The following PLAAT3 variants were observed in gnomAD, a reference collection of about 807,000 sequenced individuals.
PLAAT3 encodes phospholipase A and acyltransferase 3.
A neutral mutation model predicts 16.7 loss-of-function variants in PLAAT3; 21 were observed. That is an observed-to-expected ratio of 1.26 (90% CI 0.89 to 1.81). The LOEUF (loss-of-function observed/expected upper bound fraction) is 1.81, where lower values mean the gene tolerates loss of function less well. Ranked by LOEUF, PLAAT3 falls within the 40% of genes most tolerant of loss-of-function variation. PLAAT3 has a pLI of 0.00. For synonymous variants in PLAAT3, 76 were observed against 81.7 expected, an observed-to-expected ratio of 0.93 and a Z score of 0.38; for missense variants, 219 against 213.7, an observed-to-expected ratio of 1.02 and a Z score of -0.16.
At position 63,598,079 on chromosome 11, in the gene PLAAT3, C is replaced by T. The variant is rs1214376009; in HGVS notation, c.100G>A (p.Val34Ile). 1 of 1,612,184 alleles carries T rather than the reference C, an allele frequency of 6.2e-7. No homozygotes were observed. The highest frequency in any genetic ancestry group is 2.2e-5 in the East Asian group (1 of 44,870). ...TTCTTACTTGGAGGGGCCAGATGAA[C>T]CACATATCCATCGCCAACATAGATG... ...WAIYVGDGYVVHLAPPSEVAG... is the reference protein window; with the variant it reads ...WAIYVGDGYVIHLAPPSEVAG... The change falls in exon 3 of 5, where the codon GTT becomes ATT. Residue 34 changes from valine to isoleucine, a missense_variant. By Grantham distance (29) the Val-to-Ile change is conservative. Coordinates refer to ENST00000415826, the MANE Select transcript of PLAAT3 (RefSeq NM_001128203.2).
chr11:63,603,735 C>T (rs1387966770), intron 2 of PLAAT3, among the ~76,000 whole-genome samples: 1 of 142,540 alleles, frequency 7.0e-6, no homozygotes, highest in Admixed American at 7.4e-5. Flanking sequence ...CACACACACA[C>T]ACACACACAC....
chr11:63,586,941 A>G (rs1937994679), intron 4 of PLAAT3, among the ~76,000 whole-genome samples: 1 of 152,148 alleles, frequency 6.6e-6, no homozygotes, highest in African/African-American at 2.4e-5. Context: ...AAAATTACCC[A>G]GGTGTGGTGG....
intron 4 of PLAAT3, among the ~76,000 whole-genome samples, chr11:63,578,731 T>G (rs1043328712): frequency 8.6e-5 from 13 of 151,640 alleles, no homozygotes; most frequent in Non-Finnish European, 1.8e-4. Flanking sequence ...TCAAGATGGA[T>G]TAAAGACTTA....
At chr11:63,598,328 T>G (rs993675510) in intron 2 of PLAAT3, among the ~76,000 whole-genome samples, 165 bp from the exon 3 acceptor site, 1 of 152,338 alleles carries the variant, frequency 6.6e-6, no homozygotes, top group South Asian at 2.1e-4. Context: ...CTTCACAAGC[T>G]TGTGACCCAG....
chr11:63,576,657 C>A (rs1355472186), intron 4 of PLAAT3, among the ~76,000 whole-genome samples: 1 of 152,076 alleles, frequency 6.6e-6, no homozygotes, highest in Non-Finnish European at 1.5e-5. Flanking sequence ...TAAGTGATCT[C>A]AACAATACAA....
At chr11:63,596,751 C>T (rs916752800) in intron 3 of PLAAT3, among the ~76,000 whole-genome samples, 3 of 152,014 alleles carry the variant, frequency 2.0e-5, no homozygotes, top group African/African-American at 7.2e-5. Flanking sequence ...CGAGATTTCC[C>T]TCATGCTGTT....
At chr11:63,599,562 T>A (rs1938372213) in intron 2 of PLAAT3, among the ~76,000 whole-genome samples, 1 of 152,186 alleles carries the variant, frequency 6.6e-6, no homozygotes, top group African/African-American at 2.4e-5. Flanking sequence ...ACAGGTAGCA[T>A]GTGTGGCAGG....
intron 3 of PLAAT3, among the ~76,000 whole-genome samples, chr11:63,593,381 A>G (rs1176066492): frequency 1.3e-5 from 2 of 152,226 alleles, no homozygotes; most frequent in Admixed American, 6.5e-5. Flanking sequence ...CAGAAGGAAC[A>G]GCAGGAATGA....
chr11:63,598,237 T>C (rs1938343581), intron 2 of PLAAT3, 74 bp from the exon 3 acceptor site: 1 of 977,872 alleles, frequency 1.0e-6, no homozygotes, highest in Admixed American at 1.8e-5. Flanking sequence ...GTGAGGAAGG[T>C]GCAGCTGAGT....
intron 1 of PLAAT3, 27 bp from the exon 2 acceptor site, chr11:63,614,095 T>A: frequency 6.2e-7 from 1 of 1,608,436 alleles, no homozygotes; most frequent in Non-Finnish European, 8.5e-7. Flanking sequence ...AGGGATTTAT[T>A]GTCATTAACA....
intron 4 of PLAAT3, among the ~76,000 whole-genome samples, chr11:63,578,153 C>T (rs1379612812): frequency 6.6e-6 from 1 of 151,718 alleles, no homozygotes; most frequent in Non-Finnish European, 1.5e-5. Context: ...CATGGTGGTG[C>T]GCGCCTGTAA....
chr11:63,592,884 A>C (rs138741624), intron 3 of PLAAT3, among the ~76,000 whole-genome samples: 1 of 152,314 alleles, frequency 6.6e-6, no homozygotes, highest in East Asian at 1.9e-4. Flanking sequence ...TCAGCAGCAG[A>C]AGGTCAGTCC....
At chr11:63,578,943 G>A (rs1343229301) in intron 4 of PLAAT3, among the ~76,000 whole-genome samples, 1 of 152,054 alleles carries the variant, frequency 6.6e-6, no homozygotes, top group African/African-American at 2.4e-5. Context: ...GCAACCTACA[G>A]AATGGGAGAA....
At chr11:63,602,830 T>G (rs551378641) in intron 2 of PLAAT3, among the ~76,000 whole-genome samples, 1 of 152,290 alleles carries the variant, frequency 6.6e-6, no homozygotes, top group African/African-American at 2.4e-5. Context: ...CAGCGGCTCA[T>G]GCCTGTAATC....
At chr11:63,602,830 T>C (rs551378641) in intron 2 of PLAAT3, among the ~76,000 whole-genome samples, 1 of 152,170 alleles carries the variant, frequency 6.6e-6, no homozygotes, top group Non-Finnish European at 1.5e-5. Flanking sequence ...CAGCGGCTCA[T>C]GCCTGTAATC....
At chr11:63,611,188 G>A (rs112143885) in intron 2 of PLAAT3, among the ~76,000 whole-genome samples, 5,285 of 152,144 alleles carry the variant, frequency 0.035, 130 homozygotes, top group Non-Finnish European at 0.052. Context: ...GCTCACTGCA[G>A]CCTCGACCTC....
upstream of PLAAT3, among the ~76,000 whole-genome samples, chr11:63,615,120 G>GTGTATATA (rs1938814157): frequency 3.2e-5 from 1 of 31,020 alleles, no homozygotes; most frequent in Non-Finnish European, 9.1e-5. Flanking sequence ...GTGTATATAT[G>GTGTATATA]TGTGTATATA....
intron 2 of PLAAT3, among the ~76,000 whole-genome samples, chr11:63,607,688 G>A (rs923147472): frequency 5.9e-5 from 9 of 151,766 alleles, no homozygotes; most frequent in Non-Finnish European, 8.8e-5. Flanking sequence ...TACACACCGT[G>A]CTGCAATCAT....
At chr11:63,601,980 C>CAAAAAAAAAA (rs71468636) in intron 2 of PLAAT3, among the ~76,000 whole-genome samples, 1 of 99,412 alleles carries the variant, frequency 1.0e-5, no homozygotes, top group African/African-American at 4.0e-5. Context: ...AACTCTGTCT[C>CAAAAAAAAAA]AAAAAAAAAA....
Sources: gnomAD v4.1 joint callset for allele counts (sites outside exome capture counted in the v4.1 genomes callset) on GRCh38, gnomAD v4.1.1 for gene constraint, MANE v1.5 for transcripts, NCBI Gene and HGNC (gene_info 2026-07-23, HGNC 2026-07-21) for gene names.